SOS2: variants seen among roughly 807,000 people sequenced by gnomAD.
The protein encoded by SOS2 is SOS Ras/Rho guanine nucleotide exchange factor 2.
A neutral mutation model predicts 148.2 loss-of-function variants in SOS2; 65 were observed. That is an observed-to-expected ratio of 0.44 (90% CI 0.36 to 0.54). The LOEUF (loss-of-function observed/expected upper bound fraction) is 0.54, where lower values mean the gene tolerates loss of function less well. Ranked by LOEUF, SOS2 falls within the 20% of genes least tolerant of loss-of-function variation. The pLI, the probability that SOS2 is intolerant of heterozygous loss-of-function variation, is 0.00. For missense variants in SOS2, 1,341 were observed against 1,590.2 expected (o/e 0.84, Z 2.67); for synonymous variants, 539 against 537.1 (o/e 1.00, Z -0.05).
chr14:50,159,167 G>A (rs1884917128), intron 10 of SOS2, among the ~76,000 whole-genome samples: 2 of 151,318 alleles, frequency 1.3e-5, no homozygotes, highest in Admixed American at 1.3e-4. Flanking sequence ...TCCAGCCTGG[G>A]CAACAGAGCA....
In SOS2 at chr14:50,157,731, T is replaced by G. The variant is rs139994837; in HGVS notation, c.1935-610A>C. ...ACAACATAGTGATAGAGATCTAGAA[T>G]TATATCTTGATAATACAGTTAATAA... On this transcript the variant is annotated intron_variant, in intron 11 of 22. Coordinates refer to ENST00000216373, the MANE Select transcript of SOS2 (RefSeq NM_006939.4). Among the ~76,000 whole-genome samples, 24 of 152,302 alleles carry G rather than the reference T, an allele frequency of 1.6e-4. No homozygotes were observed. In the East Asian group the frequency reaches 4.2e-3, roughly 27 times the overall value.
At chr14:50,179,124 G>A (rs1188841588) in intron 7 of SOS2, among the ~76,000 whole-genome samples, 1 of 152,102 alleles carries the variant, frequency 6.6e-6, no homozygotes, top group African/African-American at 2.4e-5. Context: ...ACTGGATTTG[G>A]CAATTAAGTT....
intron 5 of SOS2, among the ~76,000 whole-genome samples, chr14:50,186,682 T>C (rs1187349589): frequency 6.6e-6 from 1 of 151,854 alleles, no homozygotes; most frequent in Non-Finnish European, 1.5e-5. Context: ...TATTTGCCCA[T>C]TCTATCCCTC....
rs189164728 is a variant in SOS2 at position 50,143,952 on chromosome 14, C to G, written c.2667+1218G>C. Among the ~76,000 whole-genome samples the G allele has an allele frequency of 3.6e-4, 54 of 151,928 alleles. 1 individual carries two copies. The East Asian group carries it at 8.1e-3, about 23-fold the overall frequency. On this transcript the variant is annotated intron_variant, in intron 16 of 22. Coordinates refer to ENST00000216373, the MANE Select transcript of SOS2 (RefSeq NM_006939.4). ...GGGATTACAGGTGAGAGCCCCCACA[C>G]CTGGCCAAAAGCTTTTAATATAATA... is the stretch of plus-strand genomic sequence containing the variant.
At chr14:50,183,485 G>A (rs916332445) in intron 5 of SOS2, among the ~76,000 whole-genome samples, 2 of 151,520 alleles carry the variant, frequency 1.3e-5, no homozygotes, top group Non-Finnish European at 2.9e-5. Flanking sequence ...TGAACAGGAA[G>A]AGAATTTTAA....
intron 8 of SOS2, among the ~76,000 whole-genome samples, chr14:50,165,655 C>T (rs10135152): frequency 0.88 from 134,695 of 152,222 alleles, 59,716 homozygotes; most frequent in African/African-American, 0.91. Context: ...CCTAGGGACA[C>T]GTTTTATTCC....
intron 2 of SOS2, 100 bp downstream of exon 2, chr14:50,204,184 C>A: frequency 1.5e-6 from 1 of 654,596 alleles, no homozygotes; most frequent in East Asian, 3.0e-5. Flanking sequence ...TACATAATTT[C>A]AGTGGTTTTA....
intron 8 of SOS2, among the ~76,000 whole-genome samples, chr14:50,172,318 T>C (rs1284289996): frequency 6.6e-6 from 1 of 152,152 alleles, no homozygotes; most frequent in Non-Finnish European, 1.5e-5. Flanking sequence ...CTATTTGTTC[T>C]TGTTGTTGCT....
At position 50,153,046 on chromosome 14, in the gene SOS2, C is replaced by G. The variant is rs1218458312; in HGVS notation, c.2161+24G>C. On this transcript the variant is annotated intron_variant, in intron 13 of 22. Transcript: ENST00000216373. Reference sequence around the variant, plus strand: ...ATAAACTCATGTTCAATATAAGATTCAATCAAACCTTTATATAATATACCT... The same window carrying G: ...ATAAACTCATGTTCAATATAAGATTGAATCAAACCTTTATATAATATACCT... 4 of 1,109,418 alleles carry G rather than the reference C, an allele frequency of 3.6e-6. No homozygotes were observed. The African/African-American group carries it at 6.3e-5, about 17-fold the overall frequency. The allele number at this position is 1,109,418 out of a possible 1,614,324, so 68.7% of individuals were successfully genotyped here. A position where few individuals can be genotyped will look rare whatever the true frequency, so the allele number is the denominator to read the frequency against.
chr14:50,144,318 G>C (rs777547628), intron 16 of SOS2, among the ~76,000 whole-genome samples: 10 of 151,762 alleles, frequency 6.6e-5, no homozygotes, highest in Non-Finnish European at 1.3e-4. Flanking sequence ...AAAAATCTAT[G>C]CACAATGTAA....
chr14:50,140,405 T>G (rs1884231726), intron 16 of SOS2, among the ~76,000 whole-genome samples: 1 of 152,204 alleles, frequency 6.6e-6, no homozygotes, highest in Admixed American at 6.5e-5. Context: ...CTGAAAGATC[T>G]TTTGGGGCTA....
chr14:50,190,359 G>A (rs1886089430), intron 4 of SOS2, among the ~76,000 whole-genome samples: 7 of 152,152 alleles, frequency 4.6e-5, no homozygotes, highest in Admixed American at 4.6e-4. Flanking sequence ...CATTCATTCT[G>A]AAAAACATCT....
At chr14:50,178,668 GTGCATATATATATATATATATATATA>G (rs1566839548) in intron 7 of SOS2, among the ~76,000 whole-genome samples, 1 of 68,454 alleles carries the variant, frequency 1.5e-5, no homozygotes, top group Non-Finnish European at 3.0e-5. Context: ...GTGTGTGTGT[GTGCATATATATATATATATATATATA>G]TATATATATA....
intron 16 of SOS2, among the ~76,000 whole-genome samples, chr14:50,144,685 G>A (rs993429313): frequency 3.3e-5 from 5 of 152,116 alleles, no homozygotes; most frequent in Admixed American, 6.5e-5. Context: ...TGATCGACCC[G>A]CCTCAGCCTC....
chr14:50,139,127 T>C (rs1293985843), intron 17 of SOS2, among the ~76,000 whole-genome samples: 1 of 152,310 alleles, frequency 6.6e-6, no homozygotes, highest in Admixed American at 6.5e-5. Flanking sequence ...AATATTTGAT[T>C]ATAAATATTT....
chr14:50,208,475 C>G (rs927338359), intron 1 of SOS2, among the ~76,000 whole-genome samples: 6 of 151,956 alleles, frequency 3.9e-5, no homozygotes, highest in Admixed American at 1.3e-4. Flanking sequence ...ACGGTGAAAC[C>G]CCGCCTCTAC....
intron 7 of SOS2, among the ~76,000 whole-genome samples, chr14:50,176,503 T>C (rs1447609684): frequency 2.0e-5 from 3 of 152,244 alleles, no homozygotes; most frequent in East Asian, 1.9e-4. Flanking sequence ...TCTAAAATTT[T>C]TGTAGCATGT....
At chr14:50,217,346 AAAAAAG>A (rs1887065297) in intron 1 of SOS2, among the ~76,000 whole-genome samples, 1 of 151,908 alleles carries the variant, frequency 6.6e-6, no homozygotes, top group African/African-American at 2.4e-5. Context: ...AGATTTTTTT[AAAAAAG>A]AAAAAGTGAT....
Position 50,130,726 on chromosome 14 carries a change from T to C in SOS2, c.3112A>G (p.Ile1038Val). Reference sequence around the variant, plus strand: ...CCATGTCGGCCTGTGTTAGGCCTTATTCCAGGAGATTTTAAGGAAAAAGTT... The same window carrying C: ...CCATGTCGGCCTGTGTTAGGCCTTACTCCAGGAGATTTTAAGGAAAAAGTT... ...KSTFSLKSPG[I>V]RPNTGRHGST... Residue 1038 changes from isoleucine (I) to valine (V), a missense_variant, in exon 20 of 23, where the codon ATA becomes GTA. Physicochemically the swap from Ile to Val is conservative, Grantham distance 29 (BLOSUM62 3). Coordinates refer to ENST00000216373, the MANE Select transcript of SOS2 (RefSeq NM_006939.4). The C allele has an allele frequency of 6.2e-7, 1 of 1,607,058 alleles. No homozygotes were observed. Among genetic ancestry groups the C allele is most frequent in the Non-Finnish European group, 8.5e-7 (1 of 1,177,250 alleles).
Sources: gnomAD v4.1 joint callset for allele counts (sites outside exome capture counted in the v4.1 genomes callset) on GRCh38, gnomAD v4.1.1 for gene constraint, MANE v1.5 for transcripts, NCBI Gene and HGNC (gene_info 2026-07-23, HGNC 2026-07-21) for gene names.